The following FAH variants were observed in gnomAD, a reference collection of about 807,000 sequenced individuals.
FAH encodes fumarylacetoacetate hydrolase, also known as fumarylacetoacetase.
A neutral mutation model predicts 55.8 loss-of-function variants in FAH; 47 were observed. That is an observed-to-expected ratio of 0.84 (90% CI 0.67 to 1.07). FAH has a LOEUF of 1.07. FAH is among the 50% of genes least tolerant of loss of function. The pLI, the probability that FAH is intolerant of heterozygous loss-of-function variation, is 0.00. For synonymous variants in FAH, 199 were observed against 207.7 expected, an observed-to-expected ratio of 0.96 and a Z score of 0.36; for missense variants, 495 against 545.9, an observed-to-expected ratio of 0.91 and a Z score of 0.93.
At chr15:80,160,598 C>A in intron 4 of FAH, 139 bp downstream of exon 4, 1 of 795,454 alleles carries the variant, frequency 1.3e-6, no homozygotes, top group Non-Finnish European at 2.2e-6. Context: ...GGGGCTGTTA[C>A]CCGCTCCTCA....
chr15:80,176,934 C>T (rs1363442333), intron 10 of FAH, among the ~76,000 whole-genome samples: 1 of 152,178 alleles, frequency 6.6e-6, no homozygotes, highest in Non-Finnish European at 1.5e-5. Context: ...TGTTCTGTGC[C>T]ACCTCAGAGG....
chr15:80,156,860 G>A (rs115787129), intron 1 of FAH: 2 of 152,432 alleles, frequency 1.3e-5, no homozygotes, highest in African/African-American at 4.8e-5. Flanking sequence ...TCTAGGCTTT[G>A]TTTGCATTTG....
At position 80,158,123 on chromosome 15, in the gene FAH, C is replaced by A; in HGVS notation, c.145C>A (p.Leu49Ile). 1 of 1,614,174 alleles carries A rather than the reference C, an allele frequency of 6.2e-7. No homozygotes were observed. The change falls in exon 2 of 14, where the codon CTC becomes ATC. Residue 49 changes from leucine (L) to isoleucine (I), a missense_variant. Leu to Ile is a conservative substitution (Grantham distance 5). Transcript: ENST00000561421. ...QILDLSIIKH[L>I]FTGPVLSKHQ... is the part of the protein sequence containing the mutation. ...CCTGGACCTCAGCATCATCAAGCACCTCTTTACTGGTCCTGTCCTCTCCAA... is the reference window on the plus strand; with the variant it reads ...CCTGGACCTCAGCATCATCAAGCACATCTTTACTGGTCCTGTCCTCTCCAA...
In FAH at chr15:80,168,332, G is replaced by A. The variant is rs1247616369; in HGVS notation, c.606+16G>A. 3.1e-6 allele frequency: 5 copies of A among 1,610,460 alleles called. No homozygotes were observed. The highest frequency in any genetic ancestry group is 4.2e-6 in the Non-Finnish European group (5 of 1,179,214). ...GCTGGAAATGGTAAGTGAGCTTGAT[G>A]TTTTATTGCCATGGGATCTATAGAC... is the stretch of plus-strand genomic sequence containing the variant. On this transcript the variant is annotated intron_variant, in intron 7 of 13. Transcript: ENST00000561421.
At chr15:80,180,942 C>T (rs1463004500) in intron 12 of FAH, 100 bp from the exon 13 acceptor site, 1 of 946,346 alleles carries the variant, frequency 1.1e-6, no homozygotes, top group Non-Finnish European at 1.7e-6. Context: ...ATGAGGGCCC[C>T]CTGCCACTTC....
intron 13 of FAH, among the ~76,000 whole-genome samples, chr15:80,183,817 G>T (rs1229715222): frequency 6.6e-6 from 1 of 152,174 alleles, no homozygotes; most frequent in African/African-American, 2.4e-5. Context: ...CTATTTTTCA[G>T]ATGTGGAAAC....
At chr15:80,178,856 G>A (rs932726177) in intron 11 of FAH, among the ~76,000 whole-genome samples, 15 of 152,200 alleles carry the variant, frequency 9.9e-5, no homozygotes, top group African/African-American at 3.6e-4. Flanking sequence ...CCAAAGTGCT[G>A]GGATTACAGG....
rs778070751 is a variant in FAH, at chr15:80,175,049, G to C, written c.871G>C (p.Glu291Gln). 1 of 1,614,132 alleles carries C rather than the reference G, an allele frequency of 6.2e-7. No homozygotes were observed. Among genetic ancestry groups the C allele is most frequent in the East Asian group, 2.2e-5 (1 of 44,868 alleles). Residue 291 changes from glutamate to glutamine, a missense_variant, in exon 10 of 14, where the codon GAG becomes CAG. Transcript: ENST00000561421. ...PRPLPYLCHD[E>Q]PYTFDINLSV... ...GCCCCTGCCGTATCTGTGCCATGAC[G>C]AGCCCTACACATTTGACATCAACCT...
chr15:80,176,700 TTCTATCTGGTTTTG>T (rs2041287542), intron 10 of FAH, among the ~76,000 whole-genome samples: 1 of 152,222 alleles, frequency 6.6e-6, no homozygotes, highest in South Asian at 2.1e-4. Flanking sequence ...GGAGTATACT[TTCTATCTGGTTTTG>T]TCCTCAGTAT....
chr15:80,185,995 G>T, intron 13 of FAH, 135 bp from the exon 14 acceptor site: 1 of 760,086 alleles, frequency 1.3e-6, no homozygotes, highest in Non-Finnish European at 2.4e-6. Context: ...TTGTGTTTAA[G>T]ATATGTGTGT....
chr15:80,175,381 C>A (rs2041274027), intron 10 of FAH, among the ~76,000 whole-genome samples: 1 of 152,090 alleles, frequency 6.6e-6, no homozygotes, highest in African/African-American at 2.4e-5. Context: ...CCTCCCCAGC[C>A]TCTCCAGGGG....
At chr15:80,180,012 G>A (rs992858368) in intron 11 of FAH, 112 bp from the exon 12 acceptor site, 32 of 784,340 alleles carry the variant, frequency 4.1e-5, no homozygotes, top group African/African-American at 2.2e-4. Flanking sequence ...GCTGGGGACC[G>A]GGGAAAGGCC....
At position 80,178,591 on chromosome 15, in the gene FAH, T is replaced by G. The variant is rs554698297; in HGVS notation, c.960+1008T>G. ...AAATATTCCACAACTGACTTAATTT[T>G]TTTTTTTTTTTGAGATGGAGTCTCG... On this transcript the variant is annotated intron_variant, in intron 11 of 13. Transcript: ENST00000561421. 1.4e-3 allele frequency among the ~76,000 whole-genome samples: 213 copies of G among 151,566 alleles called. 1 individual carries two copies. The highest frequency in any genetic ancestry group is 4.9e-3 in the African/African-American group (203 of 41,352).
intron 11 of FAH, 104 bp from the exon 12 acceptor site, chr15:80,180,020 G>A: frequency 1.2e-6 from 1 of 838,166 alleles, no homozygotes; most frequent in Non-Finnish European, 2.0e-6. Flanking sequence ...CCGGGGAAAG[G>A]CCAGGGAAGG....
chr15:80,162,078 G>A (rs1365780353), intron 4 of FAH, among the ~76,000 whole-genome samples, 168 bp from the exon 5 acceptor site: 2 of 152,348 alleles, frequency 1.3e-5, no homozygotes, highest in African/African-American at 4.8e-5. Context: ...CAAATCTTCA[G>A]TGAGGATATT....
At chr15:80,170,085 G>C (rs1374809468) in intron 7 of FAH, among the ~76,000 whole-genome samples, 1 of 152,242 alleles carries the variant, frequency 6.6e-6, no homozygotes, top group Non-Finnish European at 1.5e-5. Context: ...CCCAAGGTGA[G>C]GGGACCAGGG....
chr15:80,154,258 T>A (rs2041079490), intron 1 of FAH, among the ~76,000 whole-genome samples: 1 of 152,224 alleles, frequency 6.6e-6, no homozygotes, highest in Admixed American at 6.5e-5. Flanking sequence ...CACTTTGCCC[T>A]CGGCAGATGT....
chr15:80,162,197 C>G (rs1359281090), intron 4 of FAH, 49 bp from the exon 5 acceptor site: 1 of 1,426,712 alleles, frequency 7.0e-7, no homozygotes, highest in Non-Finnish European at 9.9e-7. Flanking sequence ...TCCATTCTTC[C>G]TGAGGCATGT....
intron 4 of FAH, 140 bp downstream of exon 4, chr15:80,160,599 C>T: frequency 1.3e-6 from 1 of 790,446 alleles, no homozygotes; most frequent in Non-Finnish European, 2.2e-6. Context: ...GGGCTGTTAC[C>T]CGCTCCTCAT....
Sources: gnomAD v4.1 joint callset for allele counts (sites outside exome capture counted in the v4.1 genomes callset) on GRCh38, gnomAD v4.1.1 for gene constraint, MANE v1.5 for transcripts, NCBI Gene and HGNC (gene_info 2026-07-23, HGNC 2026-07-21) for gene names.